The following XKR6 variants were observed in gnomAD, a reference collection of about 807,000 sequenced individuals.
XKR6 encodes the protein XK related 6, also known as XK-related protein 6.
XKR6 carries 22 observed loss-of-function variants against 56.7 expected under a neutral mutation model. That is an observed-to-expected ratio of 0.39 (90% CI 0.28 to 0.55). The LOEUF (loss-of-function observed/expected upper bound fraction) is 0.55. XKR6 is among the 20% of genes least tolerant of loss of function. The pLI, the probability that XKR6 is intolerant of heterozygous loss-of-function variation, is 0.66. For synonymous variants in XKR6, 524 were observed against 387.8 expected, an observed-to-expected ratio of 1.35 and a Z score of -4.13; for missense variants, 852 against 889.0, an observed-to-expected ratio of 0.96 and a Z score of 0.53.
chr8:11,033,751 G>A (rs1358990176), intron 1 of XKR6, among the ~76,000 whole-genome samples: 2 of 152,108 alleles, frequency 1.3e-5, no homozygotes, highest in African/African-American at 2.4e-5. Flanking sequence ...AAGCCTCTGG[G>A]TGTGTGTGAA....
At chr8:10,941,647 G>C (rs1224387793) in intron 1 of XKR6, among the ~76,000 whole-genome samples, 1 of 152,222 alleles carries the variant, frequency 6.6e-6, no homozygotes, top group East Asian at 1.9e-4. Flanking sequence ...TGTGTGGTAG[G>C]GCTGGGCTTC....
intron 1 of XKR6, among the ~76,000 whole-genome samples, chr8:11,003,567 G>T (rs1798295647): frequency 6.6e-6 from 1 of 152,182 alleles, no homozygotes; most frequent in Non-Finnish European, 1.5e-5. Context: ...AAGTACTGGG[G>T]AATACATTGT....
chr8:11,118,497 G>C (rs1426488495), intron 1 of XKR6, among the ~76,000 whole-genome samples: 3 of 152,154 alleles, frequency 2.0e-5, no homozygotes, highest in African/African-American at 7.2e-5. Flanking sequence ...CCTGTTATTG[G>C]TCTATTCAGA....
intron 1 of XKR6, among the ~76,000 whole-genome samples, chr8:11,067,663 G>A (rs1351301789): frequency 6.6e-6 from 1 of 152,238 alleles, no homozygotes; most frequent in Non-Finnish European, 1.5e-5. Flanking sequence ...TGAGACAGGT[G>A]GTTGGTGTGT....
At chr8:10,954,339 TTTG>T (rs1251522822) in intron 1 of XKR6, among the ~76,000 whole-genome samples, 2 of 152,248 alleles carry the variant, frequency 1.3e-5, no homozygotes, top group Non-Finnish European at 1.5e-5. Flanking sequence ...TTATTGTCTT[TTTG>T]TTTTTAGCCA....
At chr8:10,913,168 A>G (rs772160008) in intron 2 of XKR6, among the ~76,000 whole-genome samples, 5 of 151,564 alleles carry the variant, frequency 3.3e-5, no homozygotes, top group Non-Finnish European at 7.4e-5. Flanking sequence ...GTGTGTGTGT[A>G]TATAGTCTCT....
At chr8:11,159,497 G>T (rs1456094342) in intron 1 of XKR6, among the ~76,000 whole-genome samples, 1 of 152,188 alleles carries the variant, frequency 6.6e-6, no homozygotes, top group East Asian at 1.9e-4. Flanking sequence ...CTTCTGTATG[G>T]CCATCAGCTT....
At chr8:11,016,975 C>T (rs1798639709) in intron 1 of XKR6, among the ~76,000 whole-genome samples, 1 of 152,020 alleles carries the variant, frequency 6.6e-6, no homozygotes, top group South Asian at 2.1e-4. Flanking sequence ...AGAGATTAGA[C>T]GGATAGATTA....
chr8:11,019,693 AC>A (rs2129148287), intron 1 of XKR6, among the ~76,000 whole-genome samples: 1 of 152,230 alleles, frequency 6.6e-6, no homozygotes, highest in Admixed American at 6.5e-5. Flanking sequence ...CAGGGCCGTA[AC>A]CCTGGCAGGC....
intron 1 of XKR6, among the ~76,000 whole-genome samples, chr8:10,944,426 A>G (rs1299935979): frequency 6.6e-6 from 1 of 152,202 alleles, no homozygotes; most frequent in Non-Finnish European, 1.5e-5. Flanking sequence ...CCCAGCACAC[A>G]GAAGGCAAGG....
intron 2 of XKR6, among the ~76,000 whole-genome samples, chr8:10,905,846 G>A (rs894011450): frequency 6.6e-6 from 1 of 152,178 alleles, no homozygotes; most frequent in East Asian, 1.9e-4. Flanking sequence ...TCTTGGAAAT[G>A]TTCCCAGGAA....
At chr8:11,193,986 TTAAC>T (rs1446299884) in intron 1 of XKR6, among the ~76,000 whole-genome samples, 4 of 152,160 alleles carry the variant, frequency 2.6e-5, no homozygotes, top group African/African-American at 7.2e-5. Context: ...AATTTTAACA[TTAAC>T]TAATGAGATC....
intron 1 of XKR6, among the ~76,000 whole-genome samples, chr8:11,069,848 C>T (rs909750086): frequency 6.6e-6 from 1 of 152,136 alleles, no homozygotes; most frequent in African/African-American, 2.4e-5. Flanking sequence ...AGCTTTGTGA[C>T]AGGAGAGCTT....
intron 1 of XKR6, among the ~76,000 whole-genome samples, chr8:11,079,019 C>T (rs1039274829): frequency 1.3e-5 from 2 of 152,224 alleles, no homozygotes; most frequent in Admixed American, 1.3e-4. Flanking sequence ...ACTAGAGGAA[C>T]AGGGCGCTGC....
intron 1 of XKR6, among the ~76,000 whole-genome samples, chr8:11,023,625 G>A (rs1798794637): frequency 6.6e-6 from 1 of 152,288 alleles, no homozygotes; most frequent in East Asian, 1.9e-4. Context: ...AGGAGGAGCT[G>A]GTGAGAGGTG....
chr8:10,987,596 C>A (rs755052877), intron 1 of XKR6, among the ~76,000 whole-genome samples: 2 of 152,206 alleles, frequency 1.3e-5, no homozygotes, highest in African/African-American at 2.4e-5. Context: ...CATTCCTCCC[C>A]ACATTCCCAC....
intron 1 of XKR6, among the ~76,000 whole-genome samples, chr8:11,163,580 G>C (rs1250303213): frequency 6.6e-6 from 1 of 152,200 alleles, no homozygotes; most frequent in Admixed American, 6.5e-5. Flanking sequence ...CAAACATTTA[G>C]AAAACTAATA....
chr8:10,976,917 G>C (rs1258411414), intron 1 of XKR6, among the ~76,000 whole-genome samples: 1 of 152,166 alleles, frequency 6.6e-6, no homozygotes, highest in Non-Finnish European at 1.5e-5. Context: ...AAGGCCATCT[G>C]TGTAGATGCA....
chr8:11,002,081 AC>A (rs147906725), intron 1 of XKR6, among the ~76,000 whole-genome samples: 34,795 of 146,622 alleles, frequency 0.24, 4,357 homozygotes, highest in Middle Eastern at 0.32. Context: ...AAAAAAAAAA[AC>A]ACACAAAAAA....
Sources: gnomAD v4.1 joint callset for allele counts (sites outside exome capture counted in the v4.1 genomes callset) on GRCh38, gnomAD v4.1.1 for gene constraint, MANE v1.5 for transcripts, NCBI Gene and HGNC (gene_info 2026-07-23, HGNC 2026-07-21) for gene names.